DPH6: variants seen among roughly 807,000 people sequenced by gnomAD.
The protein encoded by DPH6 is diphthamine biosynthesis 6, also known as diphthine--ammonia ligase.
A neutral mutation model predicts 38.2 loss-of-function variants in DPH6; 33 were observed. The ratio of observed to expected loss-of-function variants is 0.86; its 90% CI spans 0.65 to 1.15. DPH6 has a LOEUF of 1.15. DPH6 is among the 50% of genes most tolerant of loss of function. The pLI, the probability that DPH6 is intolerant of heterozygous loss-of-function variation, is 0.00. For synonymous variants in DPH6, 108 were observed against 103.0 expected (o/e 1.05, Z -0.30); for missense variants, 325 against 320.0 (o/e 1.02, Z -0.12).
intron 3 of DPH6, among the ~76,000 whole-genome samples, chr15:35,473,957 T>TGTGTGTGC (rs1480867662): frequency 1.6e-3 from 63 of 38,534 alleles, no homozygotes; most frequent in South Asian, 0.016. Flanking sequence ...TGTGTGTGTG[T>TGTGTGTGC]GCGCGCGCGC....
At chr15:35,190,758 C>T in the DPH6 span, among the ~76,000 whole-genome samples, 1 of 152,224 alleles carries the variant, frequency 6.6e-6, no homozygotes, top group Non-Finnish European at 1.5e-5. Context: ...CAAAGTTAAA[C>T]TGTAAACTAA....
chr15:35,187,788 C>T, the DPH6 span, among the ~76,000 whole-genome samples: 1 of 152,062 alleles, frequency 6.6e-6, no homozygotes, highest in Non-Finnish European at 1.5e-5. Flanking sequence ...AAGTTCAAGA[C>T]CAGCCTTGCC....
At chr15:35,349,427 G>GT (rs1186633565) in intron 3 of DPH6, among the ~76,000 whole-genome samples, 1 of 151,880 alleles carries the variant, frequency 6.6e-6, no homozygotes. Context: ...TGCATTGTTT[G>GT]TTTTTTTGTT....
At chr15:35,376,040 C>G (rs1370368970) in intron 7 of DPH6, among the ~76,000 whole-genome samples, 1 of 152,160 alleles carries the variant, frequency 6.6e-6, no homozygotes, top group Non-Finnish European at 1.5e-5. Flanking sequence ...GAAGCCTTCC[C>G]TGACACCCTC....
chr15:35,162,776 C>G, the DPH6 span, among the ~76,000 whole-genome samples: 2 of 151,828 alleles, frequency 1.3e-5, no homozygotes, highest in African/African-American at 4.8e-5. Flanking sequence ...AGAGCAGACC[C>G]TCTCTAGATA....
intron 5 of DPH6, among the ~76,000 whole-genome samples, chr15:35,423,285 C>T (rs923734630): frequency 6.6e-6 from 1 of 151,736 alleles, no homozygotes; most frequent in African/African-American, 2.4e-5. Flanking sequence ...TGGCATTTCC[C>T]TGATGATTAG....
chr15:35,460,378 T>C (rs970076574), intron 3 of DPH6, among the ~76,000 whole-genome samples: 8 of 151,950 alleles, frequency 5.3e-5, no homozygotes, highest in African/African-American at 9.6e-5. Context: ...GGGAAGAAAA[T>C]AGAAATTAAA....
intron 3 of DPH6, among the ~76,000 whole-genome samples, chr15:35,355,423 C>T (rs1000691612): frequency 6.6e-6 from 1 of 152,178 alleles, no homozygotes; most frequent in African/African-American, 2.4e-5. Flanking sequence ...GTGGCTGATA[C>T]CGCTTGTTCC....
Position 35,458,070 on chromosome 15 carries a change from T to C in DPH6, c.313-3250A>G, listed in dbSNP as rs570757977. Among the ~76,000 whole-genome samples, 5 of 152,324 alleles carry C rather than the reference T, an allele frequency of 3.3e-5. No individual in the cohort carries two copies. In the South Asian group the frequency reaches 1.0e-3, roughly 32 times the overall value. ...CTCCAGATTACTTATAATACCCAAATACAAGGTAAATGCTATGTAAATAGC... is the reference window on the plus strand; with the variant it reads ...CTCCAGATTACTTATAATACCCAAACACAAGGTAAATGCTATGTAAATAGC... On this transcript the variant is annotated intron_variant, in intron 3 of 8. Transcript: ENST00000256538.
At chr15:35,155,318 G>A in the DPH6 span, among the ~76,000 whole-genome samples, 4 of 152,070 alleles carry the variant, frequency 2.6e-5, no homozygotes, top group Non-Finnish European at 4.4e-5. Context: ...TGTGTAGGAC[G>A]GTTTTTGAAG....
At chr15:35,303,771 A>G (rs2052069992) in intron 3 of DPH6, among the ~76,000 whole-genome samples, 2 of 151,430 alleles carry the variant, frequency 1.3e-5, no homozygotes, top group Admixed American at 1.3e-4. Flanking sequence ...AGGAATGGGA[A>G]TATAGTCATC....
intron 5 of DPH6, 24 bp from the exon 6 acceptor site, chr15:35,410,920 T>C (rs1475279054): frequency 6.3e-7 from 1 of 1,594,584 alleles, no homozygotes; most frequent in Non-Finnish European, 8.5e-7. Flanking sequence ...TTACATTTTT[T>C]AAAGATAACT....
At chr15:35,324,278 A>G (rs746247781) in intron 3 of DPH6, among the ~76,000 whole-genome samples, 1 of 152,212 alleles carries the variant, frequency 6.6e-6, no homozygotes. Flanking sequence ...TAGTAGAGAT[A>G]TAAGTGTATT....
At chr15:35,365,095 A>C (rs2140911565) in intron 3 of DPH6, among the ~76,000 whole-genome samples, 2 of 152,112 alleles carry the variant, frequency 1.3e-5, no homozygotes, top group South Asian at 4.1e-4. Context: ...CTCAAACACA[A>C]CTCACAACTA....
chr15:35,155,305 G>T, the DPH6 span, among the ~76,000 whole-genome samples: 5 of 152,324 alleles, frequency 3.3e-5, no homozygotes, highest in Middle Eastern at 3.4e-3. Flanking sequence ...TACCTTGTAT[G>T]TGTGTGTAGG....
intron 3 of DPH6, among the ~76,000 whole-genome samples, chr15:35,251,546 A>T (rs1188768297): frequency 6.6e-6 from 1 of 152,166 alleles, no homozygotes; most frequent in Admixed American, 6.5e-5. Flanking sequence ...AAGGTCCTTC[A>T]CACTTTGGCT....
intron 3 of DPH6, among the ~76,000 whole-genome samples, chr15:35,345,712 A>G (rs529513678): frequency 6.6e-6 from 1 of 152,038 alleles, no homozygotes; most frequent in Admixed American, 6.6e-5. Context: ...TGGCATGATC[A>G]GGTTTTATTA....
At chr15:35,232,952 A>G (rs1035561879) in intron 3 of DPH6, among the ~76,000 whole-genome samples, 1 of 144,826 alleles carries the variant, frequency 6.9e-6, no homozygotes, top group African/African-American at 2.5e-5. Flanking sequence ...CTAGATATTC[A>G]TCAACAGACA....
At chr15:35,158,284 C>G in the DPH6 span, among the ~76,000 whole-genome samples, 1 of 152,022 alleles carries the variant, frequency 6.6e-6, no homozygotes, top group South Asian at 2.1e-4. Context: ...TTTTTTATAT[C>G]TTGATTGGCT....
Sources: allele counts gnomAD v4.1 joint callset (sites outside exome capture counted in the v4.1 genomes callset), GRCh38; gene constraint gnomAD v4.1.1; transcripts MANE v1.5; gene names NCBI Gene and HGNC (gene_info 2026-07-23, HGNC 2026-07-21).